RALGAPA1: variants seen among roughly 807,000 people sequenced by gnomAD.
RALGAPA1 encodes the protein Ral GTPase activating protein catalytic subunit alpha 1, also known as ral GTPase-activating protein subunit alpha-1.
A neutral mutation model predicts 269.6 loss-of-function variants in RALGAPA1; 52 were observed. The ratio of observed to expected loss-of-function variants is 0.19; its 90% CI spans 0.15 to 0.24. RALGAPA1 has a LOEUF of 0.24. RALGAPA1 is among the 10% of genes least tolerant of loss of function. The pLI, the probability that RALGAPA1 is intolerant of heterozygous loss-of-function variation, is 1.00. For synonymous variants in RALGAPA1, 817 were observed against 1,008.3 expected (o/e 0.81, Z 3.60); for missense variants, 1,917 against 3,013.9 (o/e 0.64, Z 8.52).
intron 12 of RALGAPA1, among the ~76,000 whole-genome samples, chr14:35,732,629 A>G (rs981524491): frequency 6.6e-6 from 1 of 152,252 alleles, no homozygotes; most frequent in Non-Finnish European, 1.5e-5. Context: ...CAAACTTCAA[A>G]GCAACAGCAG....
intron 31 of RALGAPA1, among the ~76,000 whole-genome samples, chr14:35,649,503 C>T (rs763892471): frequency 1.7e-4 from 26 of 152,108 alleles, no homozygotes; most frequent in Non-Finnish European, 3.2e-4. Context: ...TTTATTTTCC[C>T]AACTCTTAAC....
intron 1 of RALGAPA1, among the ~76,000 whole-genome samples, chr14:35,802,499 C>T (rs933579913): frequency 1.3e-5 from 2 of 152,016 alleles, no homozygotes; most frequent in African/African-American, 4.8e-5. Context: ...GACCTGCACA[C>T]TGAACTACAA....
chr14:35,745,763 CAAAAAAAAAAAA>C (rs1157650791), intron 10 of RALGAPA1, among the ~76,000 whole-genome samples: 4 of 33,138 alleles, frequency 1.2e-4, no homozygotes, highest in African/African-American at 2.3e-4. Context: ...GACTCCATCT[CAAAAAAAAAAAA>C]AAAAAAAAAA....
At chr14:35,600,965 C>G (rs142361047) in intron 36 of RALGAPA1, among the ~76,000 whole-genome samples, 1 of 152,054 alleles carries the variant, frequency 6.6e-6, no homozygotes, top group Non-Finnish European at 1.5e-5. Flanking sequence ...CTGCTGTATG[C>G]GGGAAAAGAG....
chr14:35,801,244 G>GAC (rs201700521), intron 1 of RALGAPA1, among the ~76,000 whole-genome samples: 18,619 of 134,890 alleles, frequency 0.14, 1,250 homozygotes, highest in South Asian at 0.19. Context: ...TATATACACA[G>GAC]ACACACACAC....
chr14:35,716,896 C>T (rs1051472013), intron 16 of RALGAPA1, among the ~76,000 whole-genome samples: 1 of 152,130 alleles, frequency 6.6e-6, no homozygotes, highest in Admixed American at 6.5e-5. Flanking sequence ...CAGGTCCCTC[C>T]ATTGTAAAGG....
chr14:35,764,759 G>A (rs1045980042), intron 4 of RALGAPA1, among the ~76,000 whole-genome samples: 5 of 151,356 alleles, frequency 3.3e-5, no homozygotes, highest in African/African-American at 1.2e-4. Context: ...TGCCCAGGCT[G>A]GTCTCAAACT....
intron 33 of RALGAPA1, among the ~76,000 whole-genome samples, chr14:35,630,712 T>C (rs1166341244): frequency 1.3e-5 from 2 of 152,098 alleles, no homozygotes; most frequent in Non-Finnish European, 2.9e-5. Context: ...CTGGCCAACA[T>C]GGCGAAACCG....
intron 39 of RALGAPA1, 90 bp from the exon 40 acceptor site, chr14:35,549,324 T>C: frequency 7.7e-7 from 1 of 1,305,912 alleles, no homozygotes; most frequent in African/African-American, 1.5e-5. Flanking sequence ...TGCTAAGCCA[T>C]TACTTCTTAA....
At chr14:35,608,266 G>T (rs1312168345) in intron 35 of RALGAPA1, among the ~76,000 whole-genome samples, 1 of 151,958 alleles carries the variant, frequency 6.6e-6, no homozygotes. Context: ...AATGGTAAGG[G>T]GAAAAAAATC....
intron 1 of RALGAPA1, among the ~76,000 whole-genome samples, chr14:35,794,243 G>C (rs975143722): frequency 6.6e-6 from 1 of 152,080 alleles, no homozygotes; most frequent in African/African-American, 2.4e-5. Context: ...GGGAGGTCGA[G>C]GCGGTCAGAT....
At chr14:35,710,984 A>C (rs2068277158) in intron 16 of RALGAPA1, among the ~76,000 whole-genome samples, 1 of 152,200 alleles carries the variant, frequency 6.6e-6, no homozygotes, top group South Asian at 2.1e-4. Flanking sequence ...TCTCCTACTG[A>C]TGTATGTCTC....
intron 16 of RALGAPA1, among the ~76,000 whole-genome samples, chr14:35,720,743 A>G (rs999298519): frequency 1.3e-5 from 2 of 152,194 alleles, no homozygotes; most frequent in African/African-American, 4.8e-5. Flanking sequence ...CCTGGGCAAC[A>G]TAGCAAGACC....
In RALGAPA1 at chr14:35,700,272, G is replaced by C; in HGVS notation, c.2297C>G (p.Ala766Gly). Reference protein sequence around the residue: ...AMRSRSIGECALPSAYIRSAK... With the variant: ...AMRSRSIGECGLPSAYIRSAK... ...ACTGCGTATATAGGCCGATGGCAGAGCACATTCACCAATGGATCGGCTTCT... is the reference window on the plus strand; with the variant it reads ...ACTGCGTATATAGGCCGATGGCAGACCACATTCACCAATGGATCGGCTTCT... The change falls in exon 17 of 42, where the codon GCT becomes GGT. Residue 766 changes from alanine (A) to glycine (G), a missense_variant. Coordinates refer to ENST00000680220, the MANE Select transcript of RALGAPA1 (RefSeq NM_001346249.2). The C allele has an allele frequency of 6.5e-7, 1 of 1,531,348 alleles. No homozygotes were observed. 94.9% of individuals were successfully genotyped at this position (1,531,348 alleles called of 1,614,324 possible). A position where few individuals can be genotyped will look rare whatever the true frequency, so the allele number is the denominator to read the frequency against.
At chr14:35,801,067 A>AG (rs2076933330) in intron 1 of RALGAPA1, among the ~76,000 whole-genome samples, 1 of 151,784 alleles carries the variant, frequency 6.6e-6, no homozygotes, top group Admixed American at 6.6e-5. Context: ...TCAATTAAAA[A>AG]AAAAAAAAAA....
chr14:35,613,910 A>G (rs1286257183), intron 35 of RALGAPA1, among the ~76,000 whole-genome samples: 1 of 152,222 alleles, frequency 6.6e-6, no homozygotes, highest in Non-Finnish European at 1.5e-5. Flanking sequence ...TATCATAGCA[A>G]TGAAAAATAC....
intron 16 of RALGAPA1, among the ~76,000 whole-genome samples, chr14:35,710,664 A>G (rs1161623045): frequency 6.6e-6 from 1 of 152,196 alleles, no homozygotes; most frequent in Non-Finnish European, 1.5e-5. Context: ...TCACCAACAG[A>G]CCGCATGTAT....
chr14:35,765,144 G>T (rs185689504), intron 4 of RALGAPA1, among the ~76,000 whole-genome samples: 3 of 152,232 alleles, frequency 2.0e-5, no homozygotes, highest in Non-Finnish European at 4.4e-5. Context: ...CCATACATAA[G>T]CTTAGGTCTT....
chr14:35,690,145 A>C, intron 17 of RALGAPA1, 142 bp from the exon 18 acceptor site: 2 of 603,782 alleles, frequency 3.3e-6, no homozygotes, highest in Non-Finnish European at 2.7e-6. Context: ...CAAAATACAA[A>C]TCTGCTTTTT....
Sources: gnomAD v4.1 joint callset for allele counts (sites outside exome capture counted in the v4.1 genomes callset) on GRCh38, gnomAD v4.1.1 for gene constraint, MANE v1.5 for transcripts, NCBI Gene and HGNC (gene_info 2026-07-23, HGNC 2026-07-21) for gene names.